Variants in KIF26B observed in about 807,000 individuals in gnomAD.
KIF26B encodes the protein kinesin family member 26B, also known as kinesin-like protein KIF26B.
In KIF26B, 63 loss-of-function variants were observed where a neutral mutation model predicts 151.2. The observed-to-expected ratio is 0.42, with a 90% CI of 0.34 to 0.51. The LOEUF is 0.51. KIF26B is among the 20% of genes least tolerant of loss of function. The pLI, the probability that KIF26B is intolerant of heterozygous loss-of-function variation, is 0.07. For missense variants in KIF26B, 2,813 were observed against 2,913.6 expected (o/e 0.97, Z 0.79); for synonymous variants, 1,357 against 1,262.1 (o/e 1.08, Z -1.59).
At chr1:245,505,239 A>G (rs201369828) in intron 4 of KIF26B, among the ~76,000 whole-genome samples, 1 of 148,310 alleles carries the variant, frequency 6.7e-6, no homozygotes, top group Non-Finnish European at 1.5e-5. Context: ...CGCCTCGCCT[A>G]TTTTTTTTTT....
chr1:245,700,002 G>GTAAC (rs2044748485), intron 14 of KIF26B, among the ~76,000 whole-genome samples: 1 of 152,250 alleles, frequency 6.6e-6, no homozygotes, highest in Non-Finnish European at 1.5e-5. Context: ...CCTTCCACAT[G>GTAAC]TAACTGCAGT....
At chr1:245,280,057 T>A (rs1671011114) in intron 2 of KIF26B, among the ~76,000 whole-genome samples, 1 of 152,004 alleles carries the variant, frequency 6.6e-6, no homozygotes. Context: ...GTGAGTTGGG[T>A]GATCTCTCCT....
At position 245,377,194 on chromosome 1, in the gene KIF26B, C is replaced by T. The variant is rs1252978174; in HGVS notation, c.999+9827C>T. Among the ~76,000 whole-genome samples the T allele has an allele frequency of 3.9e-5, 6 of 152,234 alleles. No homozygotes were observed. In the South Asian group the frequency reaches 6.2e-4, roughly 16 times the overall value. ...CCTCCCAAAGTGCTGGAATTACAGG[C>T]GTGAGCCACCGCCCCCAGCCTGTGG... On this transcript the variant is annotated intron_variant, in intron 3 of 14. Transcript: ENST00000407071.
At chr1:245,538,344 A>T (rs1237934652) in intron 4 of KIF26B, among the ~76,000 whole-genome samples, 2 of 151,986 alleles carry the variant, frequency 1.3e-5, no homozygotes, top group Non-Finnish European at 2.9e-5. Flanking sequence ...GGGAAGAATC[A>T]GGAGAAGGAT....
intron 5 of KIF26B, among the ~76,000 whole-genome samples, chr1:245,598,807 A>G (rs1241343302): frequency 6.6e-6 from 1 of 152,190 alleles, no homozygotes; most frequent in African/African-American, 2.4e-5. Flanking sequence ...CGTGGAATAA[A>G]CAAACAGGGC....
chr1:245,165,872 G>A (rs887471764), intron 2 of KIF26B, among the ~76,000 whole-genome samples: 1 of 152,150 alleles, frequency 6.6e-6, no homozygotes, highest in African/African-American at 2.4e-5. Flanking sequence ...AGAATTTCTG[G>A]TGCCCTGGAG....
chr1:245,494,641 T>A (rs1484430022), intron 4 of KIF26B, among the ~76,000 whole-genome samples: 1 of 152,206 alleles, frequency 6.6e-6, no homozygotes, highest in Non-Finnish European at 1.5e-5. Context: ...ATACCCATAA[T>A]TTACTGGCAT....
chr1:245,547,104 GTGGCGCTGCCAGAA>G (rs1475401331), intron 5 of KIF26B, among the ~76,000 whole-genome samples: 1 of 152,264 alleles, frequency 6.6e-6, no homozygotes, highest in Non-Finnish European at 1.5e-5. Context: ...GGAAGCGCAG[GTGGCGCTGCCAGAA>G]GGGCCATGCT....
intron 2 of KIF26B, among the ~76,000 whole-genome samples, chr1:245,208,830 G>A (rs1223568573): frequency 1.3e-5 from 2 of 152,178 alleles, no homozygotes; most frequent in African/African-American, 4.8e-5. Context: ...ATAGGTCCCA[G>A]TGAGCTCAGC....
rs1410780137 is a variant in KIF26B, at chr1:245,475,132, C to T, written c.1166+55387C>T. ...AAAAACTCTGACAAACAGCTCTGTC[C>T]GTATATCCTTATCACTCACTGACAA... On this transcript the variant is annotated intron_variant, in intron 4 of 14. Transcript: ENST00000407071. 6.6e-5 allele frequency among the ~76,000 whole-genome samples: 10 copies of T among 151,752 alleles called. 1 individual carries two copies. Among genetic ancestry groups the T allele is most frequent in the South Asian group, 2.1e-4 (1 of 4,754 alleles).
At chr1:245,463,061 C>T (rs1659686663) in intron 4 of KIF26B, among the ~76,000 whole-genome samples, 1 of 152,154 alleles carries the variant, frequency 6.6e-6, no homozygotes, top group Non-Finnish European at 1.5e-5. Flanking sequence ...TCCCTCTGTC[C>T]TCCACCCACA....
chr1:245,484,452 C>T (rs1443189912), intron 4 of KIF26B, among the ~76,000 whole-genome samples: 1 of 151,794 alleles, frequency 6.6e-6, no homozygotes, highest in East Asian at 1.9e-4. Flanking sequence ...CTAACCCTGT[C>T]CCTGGACACT....
At position 245,189,623 on chromosome 1, in the gene KIF26B, G is replaced by T. The variant is rs1452718329; in HGVS notation, c.465+32940G>T. ...TCTTTCTCAAGGGGCTCCTAAATTA[G>T]AGGTAAGCCCCCTACCACCTGTGTG... On this transcript the variant is annotated intron_variant, in intron 2 of 14. Transcript: ENST00000407071. Among the ~76,000 whole-genome samples the T allele has an allele frequency of 2.0e-5, 3 of 152,146 alleles. No individual in the cohort carries two copies. In the East Asian group the frequency reaches 5.8e-4, roughly 29 times the overall value.
At chr1:245,345,497 C>A (rs921025140) in intron 2 of KIF26B, among the ~76,000 whole-genome samples, 1 of 152,140 alleles carries the variant, frequency 6.6e-6, no homozygotes, top group African/African-American at 2.4e-5. Context: ...AGCAAAATTC[C>A]CCACACCCTC....
Position 245,706,967 on chromosome 1 carries a change from G to C in KIF26B, c.*4361G>C, listed in dbSNP as rs1414366144. 6.6e-6 allele frequency: 1 copy of C among 152,118 alleles called. No individual in the cohort carries two copies. Among genetic ancestry groups the C allele is most frequent in the Non-Finnish European group, 1.5e-5 (1 of 68,030 alleles). The allele number at this position is 152,118 out of a possible 1,614,324, so 9.4% of individuals were successfully genotyped here. A position where few individuals can be genotyped will look rare whatever the true frequency, so the allele number is the denominator to read the frequency against. On this transcript the variant is annotated 3_prime_UTR_variant, in exon 15 of 15. Transcript: ENST00000407071. ...CCTCCAGAAAGTATCTGTCAACATT[G>C]GTGGGTAACAGCTTATAAAGTGCAT...
At chr1:245,369,712 C>T (rs1673063528) in intron 3 of KIF26B, among the ~76,000 whole-genome samples, 1 of 152,222 alleles carries the variant, frequency 6.6e-6, no homozygotes. Context: ...GCTTTGCCTA[C>T]CGCGGTTTCT....
intron 3 of KIF26B, among the ~76,000 whole-genome samples, chr1:245,413,220 C>A (rs1038845681): frequency 6.6e-6 from 1 of 152,218 alleles, no homozygotes; most frequent in African/African-American, 2.4e-5. Context: ...ATAATGAGGC[C>A]TTTCCACTAG....
chr1:245,636,287 T>C (rs563616327), intron 9 of KIF26B, among the ~76,000 whole-genome samples: 7 of 152,208 alleles, frequency 4.6e-5, no homozygotes, highest in African/African-American at 1.7e-4. Flanking sequence ...GATTAGAACA[T>C]GAGCCACATA....
intron 5 of KIF26B, among the ~76,000 whole-genome samples, chr1:245,565,911 G>T (rs142641848): frequency 6.6e-6 from 1 of 152,234 alleles, no homozygotes; most frequent in African/African-American, 2.4e-5. Flanking sequence ...GGAAGCTTCC[G>T]ATCATGGCAG....
Sources: gnomAD v4.1 joint callset for allele counts (sites outside exome capture counted in the v4.1 genomes callset) on GRCh38, gnomAD v4.1.1 for gene constraint, MANE v1.5 for transcripts, NCBI Gene and HGNC (gene_info 2026-07-23, HGNC 2026-07-21) for gene names.